PALM2AKAP2: variants seen among roughly 807,000 people sequenced by gnomAD.
PALM2AKAP2 encodes PALM2-AKAP2 fusion protein.
A neutral mutation model predicts 71.5 loss-of-function variants in PALM2AKAP2; 37 were observed. That is an observed-to-expected ratio of 0.52 (90% CI 0.40 to 0.68). PALM2AKAP2 has a LOEUF of 0.68. PALM2AKAP2 is among the 30% of genes least tolerant of loss of function. The probability of loss-of-function intolerance (pLI) is 0.00; values close to 1 mark genes in which losing one functional copy is unlikely to be tolerated. For missense variants in PALM2AKAP2, 1,224 were observed against 1,191.8 expected, an observed-to-expected ratio of 1.03 and a Z score of -0.40; for synonymous variants, 468 against 478.8, an observed-to-expected ratio of 0.98 and a Z score of 0.29.
At chr9:109,890,808 CG>C (rs1320956307) in intron 3 of PALM2AKAP2, among the ~76,000 whole-genome samples, 3 of 152,180 alleles carry the variant, frequency 2.0e-5, no homozygotes, top group African/African-American at 7.2e-5. Flanking sequence ...TGAGGCCACA[CG>C]CAGAGTGAGG....
rs1217136400 is a variant in PALM2AKAP2, at chr9:109,819,707, G to GTA, written c.45+39175_45+39176insAT. ...GGCCTAATTATGTGTGTGTGTGTAT[G>GTA]TGTGTGTGTGTGTGTGTGTGTGTGT... On this transcript the variant is annotated intron_variant, in intron 1 of 9. Transcript: ENST00000302798. 4.1e-4 allele frequency among the ~76,000 whole-genome samples: 49 copies of GTA among 119,206 alleles called. No homozygotes were observed. The South Asian group carries it at 9.2e-3, about 22-fold the overall frequency. 78.2% of individuals were successfully genotyped at this position (119,206 alleles called of 152,430 possible).
intron 1 of PALM2AKAP2, among the ~76,000 whole-genome samples, chr9:109,811,141 T>A (rs1012201692): frequency 1.3e-5 from 2 of 152,216 alleles, no homozygotes; most frequent in Non-Finnish European, 2.9e-5. Flanking sequence ...ATCTTGAATT[T>A]AAATAAGAGC....
intron 7 of PALM2AKAP2, among the ~76,000 whole-genome samples, chr9:110,040,240 CTAT>C (rs952127864): frequency 6.6e-6 from 1 of 152,092 alleles, no homozygotes; most frequent in Non-Finnish European, 1.5e-5. Context: ...GCTATAGAAG[CTAT>C]TATTATTCTC....
chr9:109,644,271 T>A (rs1441996979), intron 1 of PALM2AKAP2, among the ~76,000 whole-genome samples: 1 of 152,144 alleles, frequency 6.6e-6, no homozygotes, highest in East Asian at 1.9e-4. Flanking sequence ...ACATTTCCCT[T>A]GTGCCAAATA....
At chr9:110,164,528 C>CT (rs35588802) in intron 3 of PALM2AKAP2, among the ~76,000 whole-genome samples, 4,762 of 129,166 alleles carry the variant, frequency 0.037, 338 homozygotes, top group African/African-American at 0.13. Flanking sequence ...ATTTAGTTTA[C>CT]TTTTTTTTTT....
intron 1 of PALM2AKAP2, among the ~76,000 whole-genome samples, chr9:109,858,871 T>C (rs918208972): frequency 1.3e-5 from 2 of 152,324 alleles, no homozygotes; most frequent in African/African-American, 4.8e-5. Context: ...TTTGATGTTA[T>C]GACCATCAAA....
chr9:109,645,590 T>G (rs1369909298), intron 1 of PALM2AKAP2, among the ~76,000 whole-genome samples: 1 of 151,242 alleles, frequency 6.6e-6, no homozygotes, highest in Non-Finnish European at 1.5e-5. Context: ...AATAAAATCA[T>G]GTCCTTTACA....
chr9:109,805,893 C>T (rs1189845705), intron 1 of PALM2AKAP2, among the ~76,000 whole-genome samples: 1 of 152,168 alleles, frequency 6.6e-6, no homozygotes, highest in Admixed American at 6.5e-5. Context: ...TCAGATCAAA[C>T]ATAGTAGCCT....
intron 1 of PALM2AKAP2, among the ~76,000 whole-genome samples, chr9:109,711,462 G>A (rs1479049612): frequency 1.3e-5 from 2 of 152,158 alleles, no homozygotes; most frequent in Admixed American, 1.3e-4. Flanking sequence ...TTATATTTTG[G>A]TGTTGTGTTA....
chr9:109,708,030 T>A (rs1203310670), intron 1 of PALM2AKAP2, among the ~76,000 whole-genome samples: 3 of 152,140 alleles, frequency 2.0e-5, no homozygotes, highest in Non-Finnish European at 4.4e-5. Flanking sequence ...ATCTCGCTCA[T>A]TATTTACAGA....
At chr9:109,768,461 G>T (rs1296513554) in intron 1 of PALM2AKAP2, among the ~76,000 whole-genome samples, 4 of 152,262 alleles carry the variant, frequency 2.6e-5, no homozygotes, top group African/African-American at 9.6e-5. Context: ...TTAAGTTAGG[G>T]TATGTGAGGT....
intron 1 of PALM2AKAP2, among the ~76,000 whole-genome samples, chr9:109,688,628 A>G (rs1827836409): frequency 6.6e-6 from 1 of 152,258 alleles, no homozygotes. Flanking sequence ...TTGAGTTACG[A>G]TGAGGCCATC....
Position 110,109,832 on chromosome 9 carries a change from C to A in PALM2AKAP2, c.157-26295C>A, listed in dbSNP as rs186150215. Among the ~76,000 whole-genome samples, 166 of 152,154 alleles carry A rather than the reference C, an allele frequency of 1.1e-3. 3 individuals are homozygous for A. The highest frequency in any genetic ancestry group is 3.5e-3 in the African/African-American group (147 of 41,488). ...AGGAGTTTCTTTTAAAAAAAAAGTT[C>A]AGTCTCAAAAAACTAAAAATAGAAG... is the stretch of plus-strand genomic sequence containing the variant. On this transcript the variant is annotated intron_variant, in intron 1 of 3. Transcript: ENST00000374525.
intron 6 of PALM2AKAP2, chr9:109,945,548 A>G (rs1195747582): frequency 2.0e-5 from 3 of 152,204 alleles, no homozygotes; most frequent in African/African-American, 7.2e-5. Flanking sequence ...CTATTTACAT[A>G]GAGGGAGAAA....
chr9:110,117,973 TTGTGTGTGTGTGTGTG>T (rs1171400897), intron 1 of PALM2AKAP2, among the ~76,000 whole-genome samples: 13 of 138,502 alleles, frequency 9.4e-5, no homozygotes, highest in African/African-American at 1.9e-4. Context: ...ATATGTCGTT[TTGTGTGTGTGTGTGTG>T]TGTGTGTGTG....
chr9:109,743,109 A>T (rs1311069011), intron 1 of PALM2AKAP2, among the ~76,000 whole-genome samples: 1 of 151,968 alleles, frequency 6.6e-6, no homozygotes. Flanking sequence ...GCTGCTTCCC[A>T]TTCACCCTTC....
intron 6 of PALM2AKAP2, among the ~76,000 whole-genome samples, chr9:109,992,625 A>G (rs148081839): frequency 9.2e-5 from 14 of 152,228 alleles, no homozygotes; most frequent in Non-Finnish European, 1.8e-4. Context: ...ACACAATTCA[A>G]TCCATAACAG....
At chr9:109,734,981 A>G (rs141143778) in intron 1 of PALM2AKAP2, among the ~76,000 whole-genome samples, 46 of 152,084 alleles carry the variant, frequency 3.0e-4, no homozygotes, top group African/African-American at 1.1e-3. Context: ...CTGACTTGGG[A>G]AGAAAACAAA....
intron 1 of PALM2AKAP2, among the ~76,000 whole-genome samples, chr9:109,684,026 A>G (rs185587815): frequency 1.3e-4 from 20 of 152,252 alleles, no homozygotes; most frequent in African/African-American, 4.6e-4. Flanking sequence ...ATGTTTAACA[A>G]TGTGAGCTGA....
Sources: gnomAD v4.1 joint callset for allele counts (sites outside exome capture counted in the v4.1 genomes callset) on GRCh38, gnomAD v4.1.1 for gene constraint, MANE v1.5 for transcripts, NCBI Gene and HGNC (gene_info 2026-07-23, HGNC 2026-07-21) for gene names.